XPO6: variants seen among roughly 807,000 people sequenced by gnomAD.
XPO6 encodes exportin-6.
A neutral mutation model predicts 130.0 loss-of-function variants in XPO6; 3 were observed. That is an observed-to-expected ratio of 0.02 (90% CI 0.01 to 0.06). The LOEUF is 0.06. Among genes scored for constraint, XPO6 ranks in the 10% least tolerant of loss-of-function variants. The probability of loss-of-function intolerance (pLI) is 1.00; values close to 1 mark genes in which losing one functional copy is unlikely to be tolerated. For synonymous variants in XPO6, 524 were observed against 548.9 expected, an observed-to-expected ratio of 0.95 and a Z score of 0.63; for missense variants, 970 against 1,393.0, an observed-to-expected ratio of 0.70 and a Z score of 4.83.
Position 28,206,169 on chromosome 16 carries a change from T to C in XPO6, c.3+5197A>G, listed in dbSNP as rs540427614. Among the ~76,000 whole-genome samples, 708 of 143,746 alleles carry C rather than the reference T, an allele frequency of 4.9e-3. 6 individuals carry two copies. Among genetic ancestry groups the C allele is most frequent in the African/African-American group, 0.017 (662 of 38,578 alleles). 94.3% of individuals were successfully genotyped at this position (143,746 alleles called of 152,430 possible). A position where few individuals can be genotyped will look rare whatever the true frequency, so the allele number is the denominator to read the frequency against. On this transcript the variant is annotated intron_variant, in intron 1 of 23. Coordinates refer to ENST00000304658, the MANE Select transcript of XPO6 (RefSeq NM_015171.4). ...ACACACACACACACACACACACACATATTAACTATTATATTGTTAGATTGT... is the reference window on the plus strand; with the variant it reads ...ACACACACACACACACACACACACACATTAACTATTATATTGTTAGATTGT...
At chr16:28,178,909 A>G (rs1002185366) in intron 2 of XPO6, among the ~76,000 whole-genome samples, 1 of 152,112 alleles carries the variant, frequency 6.6e-6, no homozygotes, top group African/African-American at 2.4e-5. Context: ...ACTACTAAAA[A>G]TACAAAAATT....
chr16:28,102,892 C>G (rs2086683211), intron 21 of XPO6, among the ~76,000 whole-genome samples: 1 of 152,194 alleles, frequency 6.6e-6, no homozygotes. Context: ...CCCTACAAAA[C>G]AAGTGGTGAC....
chr16:28,170,194 T>C (rs2043426738), intron 4 of XPO6, among the ~76,000 whole-genome samples: 1 of 151,718 alleles, frequency 6.6e-6, no homozygotes, highest in Non-Finnish European at 1.5e-5. Context: ...TAGCCGGGTG[T>C]GGTGGTGCAT....
chr16:28,114,797 T>C (rs1372917180), intron 15 of XPO6, among the ~76,000 whole-genome samples: 3 of 152,226 alleles, frequency 2.0e-5, no homozygotes, highest in South Asian at 2.1e-4. Flanking sequence ...TTGCCCACAG[T>C]AGAACTTCTT....
rs139654228 is a variant in XPO6, at chr16:28,102,727, G to A, written c.2947-782C>T. Among the ~76,000 whole-genome samples, 162 of 152,166 alleles carry A rather than the reference G, an allele frequency of 1.1e-3. 1 individual carries two copies. The highest frequency in any genetic ancestry group is 3.8e-3 in the African/African-American group (156 of 41,468). On this transcript the variant is annotated intron_variant, in intron 21 of 23. Transcript: ENST00000304658. The stretch of plus-strand genomic sequence containing the variant: ...ACTGCACTCCAGCCTAGGCAACAGA[G>A]CAAGACTTATCTCAAAAAAAGAAAA...
intron 9 of XPO6, among the ~76,000 whole-genome samples, 198 bp downstream of exon 9, chr16:28,145,896 A>G (rs2042974185): frequency 6.6e-6 from 1 of 152,258 alleles, no homozygotes; most frequent in Non-Finnish European, 1.5e-5. Context: ...TTAGTAATAC[A>G]TATTACTTTT....
Position 28,104,710 on chromosome 16 carries a change from G to A in XPO6, c.2785-3C>T. ...GCCTTCACATCAGGGGAGGGACGCT[G>A]CAAAGACACACAGACGCTCAGACCT... On this transcript the variant is annotated splice_polypyrimidine_tract_variant and splice_region_variant and intron_variant, in intron 20 of 23. Transcript: ENST00000304658. 6.2e-7 allele frequency: 1 copy of A among 1,613,602 alleles called. No homozygotes were observed. Among genetic ancestry groups the A allele is most frequent in the South Asian group, 1.1e-5 (1 of 91,082 alleles).
chr16:28,187,119 A>G (rs995195666), intron 1 of XPO6, among the ~76,000 whole-genome samples: 2 of 152,178 alleles, frequency 1.3e-5, no homozygotes, highest in African/African-American at 4.8e-5. Context: ...GGTTTTGAAG[A>G]GCAAGGAAGT....
At chr16:28,130,996 T>C (rs2042657896) in intron 12 of XPO6, among the ~76,000 whole-genome samples, 1 of 152,156 alleles carries the variant, frequency 6.6e-6, no homozygotes, top group African/African-American at 2.4e-5. Context: ...CTAATTTGAA[T>C]AGTGGTCCTG....
At chr16:28,186,374 C>CTTGTTTTTTTT (rs2043693707) in intron 1 of XPO6, among the ~76,000 whole-genome samples, 1 of 81,442 alleles carries the variant, frequency 1.2e-5, no homozygotes, top group Non-Finnish European at 2.1e-5. Flanking sequence ...CCCAGTTATT[C>CTTGTTTTTTTT]TTTTTTTTTT....
intron 6 of XPO6, among the ~76,000 whole-genome samples, chr16:28,166,288 A>T (rs1366298646): frequency 2.0e-5 from 3 of 152,178 alleles, no homozygotes; most frequent in South Asian, 2.1e-4. Context: ...CAGGAAAAAT[A>T]AAAAAATGAG....
chr16:28,159,306 C>T (rs543911101), intron 6 of XPO6, among the ~76,000 whole-genome samples: 1 of 151,966 alleles, frequency 6.6e-6, no homozygotes, highest in Non-Finnish European at 1.5e-5. Flanking sequence ...CATGACTCTA[C>T]AACATGAAAG....
chr16:28,116,200 G>A (rs1334164564), intron 15 of XPO6, among the ~76,000 whole-genome samples: 3 of 151,788 alleles, frequency 2.0e-5, no homozygotes, highest in Non-Finnish European at 4.4e-5. Flanking sequence ...GGTGGCTCAC[G>A]CCCGTAATCC....
rs760420734 is a variant in XPO6 at position 28,133,875 on chromosome 16, A to G, written c.1502T>C (p.Met501Thr). 3 of 1,614,106 alleles carry G rather than the reference A, an allele frequency of 1.9e-6. No homozygotes were observed. Among genetic ancestry groups the G allele is most frequent in the Non-Finnish European group, 2.5e-6 (3 of 1,179,998 alleles). ...GAAGGCGTGCGTGGGCAGGAGCTCC[A>G]TCACTTTGGCCACCACCTCCAAGCT... ...RQSLEVVAKV[M>T]ELLPTHAFST... is the part of the protein sequence containing the mutation. The change falls in exon 11 of 24, where the codon ATG becomes ACG. Residue 501 changes from methionine (M) to threonine (T), a missense_variant. This residue lies in a region of XPO6 where 936 missense variants were observed against 1,306.8 expected (regional missense o/e 0.72). Transcript: ENST00000304658.
intron 2 of XPO6, among the ~76,000 whole-genome samples, chr16:28,180,060 G>C (rs936597372): frequency 2.6e-4 from 39 of 152,158 alleles, no homozygotes; most frequent in African/African-American, 9.2e-4. Flanking sequence ...GAATACAGTA[G>C]AGTGTCAGAA....
Position 28,101,396 on chromosome 16 carries a change from C to T in XPO6, c.3276+62G>A, listed in dbSNP as rs748499604. ...CTCAATGTGCCCCCTCCTTGCTGCA[C>T]AGGTGCCAGGCTTGCGTGCCCACTC... is the stretch of plus-strand genomic sequence containing the variant. On this transcript the variant is annotated intron_variant, in intron 23 of 23. Coordinates refer to ENST00000304658, the MANE Select transcript of XPO6 (RefSeq NM_015171.4). This position sits in a 1 kb window ranked among gnomAD's most constrained non-coding sequence, Gnocchi z 5.4. The T allele has an allele frequency of 2.7e-6, 4 of 1,465,720 alleles. No homozygotes were observed. In the South Asian group the frequency reaches 3.4e-5, roughly 13 times the overall value. The allele number at this position is 1,465,720 out of a possible 1,614,324, so 90.8% of individuals were successfully genotyped here.
chr16:28,172,611 G>C (rs903899641), intron 4 of XPO6, among the ~76,000 whole-genome samples: 6 of 152,056 alleles, frequency 3.9e-5, no homozygotes, highest in Admixed American at 3.3e-4. Context: ...CAGGAGCCTA[G>C]AAAGGGTATA....
chr16:28,184,463 G>GA (rs1382103010), intron 1 of XPO6, among the ~76,000 whole-genome samples: 1 of 152,056 alleles, frequency 6.6e-6, no homozygotes, highest in Admixed American at 6.5e-5. Flanking sequence ...AACCATAAAG[G>GA]AAAAGACTGG....
chr16:28,103,192 T>C (rs1177368672), intron 21 of XPO6, among the ~76,000 whole-genome samples: 1 of 152,212 alleles, frequency 6.6e-6, no homozygotes, highest in East Asian at 1.9e-4. Flanking sequence ...TATCTGTCCC[T>C]GTGGTTCTAC....
Sources: gnomAD v4.1 joint callset for allele counts (sites outside exome capture counted in the v4.1 genomes callset) on GRCh38, gnomAD v4.1.1 for gene constraint, gnomAD v4.1.1 regional missense constraint, Gnocchi (gnomAD v3.1) non-coding constraint, MANE v1.5 for transcripts, NCBI Gene and HGNC (gene_info 2026-07-23, HGNC 2026-07-21) for gene names.